Variants in ZNF563 observed in about 807,000 individuals in gnomAD.
The protein encoded by ZNF563 is zinc finger protein 563.
ZNF563 carries 39 observed loss-of-function variants against 48.5 expected under a neutral mutation model. The observed-to-expected ratio is 0.80, with a 90% CI of 0.62 to 1.05. The LOEUF (loss-of-function observed/expected upper bound fraction) is 1.05. ZNF563 is among the 50% of genes least tolerant of loss of function. The probability of loss-of-function intolerance (pLI) is 0.00; values close to 1 mark genes in which losing one functional copy is unlikely to be tolerated. For missense variants in ZNF563, 538 were observed against 597.0 expected (o/e 0.90, Z 1.03); for synonymous variants, 168 against 187.9 (o/e 0.89, Z 0.87).
the ZNF563 span, among the ~76,000 whole-genome samples, chr19:12,343,703 T>A: frequency 6.6e-6 from 1 of 151,684 alleles, no homozygotes; most frequent in African/African-American, 2.4e-5. Context: ...GAATATCTTT[T>A]ATGAATATTG....
the ZNF563 span, among the ~76,000 whole-genome samples, chr19:12,343,771 C>T: frequency 6.9e-6 from 1 of 144,442 alleles, no homozygotes; most frequent in Non-Finnish European, 1.5e-5. Context: ...CGCTCTGTCG[C>T]CCAGGCTGGA....
intron 1 of ZNF563, among the ~76,000 whole-genome samples, chr19:12,326,687 C>T (rs568914875): frequency 4.4e-4 from 67 of 151,672 alleles, no homozygotes; most frequent in African/African-American, 1.6e-3. Context: ...ATTGAATCTA[C>T]CCATTCACAG....
chr19:12,340,452 A>G, the ZNF563 span, among the ~76,000 whole-genome samples: 1 of 152,178 alleles, frequency 6.6e-6, no homozygotes. Context: ...CCTGGGCAAT[A>G]TAGTGAGACC....
chr19:12,332,590 A>G (rs942058142), intron 1 of ZNF563, among the ~76,000 whole-genome samples: 1 of 152,066 alleles, frequency 6.6e-6, no homozygotes, highest in Non-Finnish European at 1.5e-5. Flanking sequence ...TACATGTCTA[A>G]CTTTCTTTAT....
At chr19:12,333,323 T>C (rs1192895198) in intron 1 of ZNF563, among the ~76,000 whole-genome samples, 157 bp downstream of exon 1, 1 of 152,232 alleles carries the variant, frequency 6.6e-6, no homozygotes, top group Non-Finnish European at 1.5e-5. Flanking sequence ...AGCCTCACTC[T>C]GTGGCTGAGG....
Position 12,322,572 on chromosome 19 carries a change from G to A in ZNF563, c.130+13C>T, listed in dbSNP as rs1381497200. ...CTGTAATTGATTAAGTGAAGACATG[G>A]TATCATCCTTACTTATACAGTCCAG... On this transcript the variant is annotated intron_variant, in intron 2 of 3. Transcript: ENST00000293725. The A allele has an allele frequency of 7.6e-6, 12 of 1,583,492 alleles. 1 individual carries two copies. The South Asian group carries it at 1.4e-4, about 18-fold the overall frequency.
At chr19:12,337,175 T>C (rs141384330), upstream of ZNF563, among the ~76,000 whole-genome samples, 27 of 152,230 alleles carry the variant, frequency 1.8e-4, no homozygotes, top group East Asian at 5.2e-3. Flanking sequence ...ATAATATTAA[T>C]GTCACCCCTT....
At chr19:12,343,112 G>T in the ZNF563 span, among the ~76,000 whole-genome samples, 2 of 151,834 alleles carry the variant, frequency 1.3e-5, no homozygotes, top group East Asian at 1.9e-4. Flanking sequence ...CAGGAGAATC[G>T]CTTGAACCGG....
rs952014799 is a variant in ZNF563 at position 12,324,673 on chromosome 19, C to T, written c.4-1962G>A. On this transcript the variant is annotated intron_variant, in intron 1 of 3. Transcript: ENST00000293725. ...CAGAGGTTGCGGTGAGCCGAGATTGCGCTATCGCACTTCAGCCTGGTTGAC... is the reference window on the plus strand; with the variant it reads ...CAGAGGTTGCGGTGAGCCGAGATTGTGCTATCGCACTTCAGCCTGGTTGAC... 2.8e-5 allele frequency among the ~76,000 whole-genome samples: 4 copies of T among 141,332 alleles called. No individual in the cohort carries two copies. The East Asian group carries it at 8.7e-4, about 31-fold the overall frequency. 92.7% of individuals were successfully genotyped at this position (141,332 alleles called of 152,430 possible).
upstream of ZNF563, among the ~76,000 whole-genome samples, chr19:12,334,868 CAAAAAAAA>C (rs35412288): frequency 3.1e-4 from 14 of 45,040 alleles, no homozygotes; most frequent in South Asian, 1.0e-3. Flanking sequence ...GACCTGGTCT[CAAAAAAAA>C]AAAAAAAAAA....
chr19:12,332,674 A>G (rs935642154), intron 1 of ZNF563, among the ~76,000 whole-genome samples: 15 of 152,170 alleles, frequency 9.9e-5, no homozygotes, highest in African/African-American at 3.6e-4. Context: ...CAAACGCCTC[A>G]ATTTATCAAA....
rs764693352 is a variant in ZNF563, at chr19:12,320,020, G to A, written c.192-187C>T. Among the ~76,000 whole-genome samples, 5 of 151,564 alleles carry A rather than the reference G, an allele frequency of 3.3e-5. No homozygotes were observed. In the East Asian group the frequency reaches 7.8e-4, roughly 24 times the overall value. ...CAATCTCTTCCTCCCGGGTTCAAGC[G>A]ATTCTCCTGCCTCAGCCTCCCAAGT... is the stretch of plus-strand genomic sequence containing the variant. On this transcript the variant is annotated intron_variant, in intron 3 of 3. Coordinates refer to ENST00000293725, the MANE Select transcript of ZNF563 (RefSeq NM_145276.3).
chr19:12,319,476 G>T lies in ZNF563; in HGVS notation c.549C>A (p.Asn183Lys), dbSNP rs1197667466. 3.7e-6 allele frequency: 6 copies of T among 1,614,052 alleles called. No individual in the cohort carries two copies. ...CTTGCACTACCATGTGTCTTCGAAG[G>T]TTTCTACGAGAACTGAAGGTTTTTC... The part of the protein sequence containing the change: ...ECGKTFSSRR[N>K]LRRHMVVQGG... Residue 183 changes from asparagine (N) to lysine (K), a missense_variant, in exon 4 of 4, where the codon AAC (asparagine) becomes AAA (lysine). Coordinates refer to ENST00000293725, the MANE Select transcript of ZNF563 (RefSeq NM_145276.3).
chr19:12,319,648 G>A lies in ZNF563; in HGVS notation c.377C>T (p.Ser126Phe), dbSNP rs148651180. Residue 126 changes from serine to phenylalanine, a missense_variant, in exon 4 of 4, where the codon TCT becomes TTT. Transcript: ENST00000293725. Reference sequence around the variant, plus strand: ...CTGATACTCATGTGGTTTGTGTCCAGAATCAACTCTGATGTGGCTATTAAG... The same window carrying A: ...CTGATACTCATGTGGTTTGTGTCCAAAATCAACTCTGATGTGGCTATTAAG... ...LSLNSHIRVD[S>F]GHKPHEYQEY... The A allele has an allele frequency of 3.9e-3, 6,218 of 1,614,168 alleles. 19 individuals are homozygous for A. The highest frequency in any genetic ancestry group is 4.4e-3 in the Non-Finnish European group (5,232 of 1,180,044).
chr19:12,324,848 A>G (rs2145809376), intron 1 of ZNF563: 1 of 152,296 alleles, frequency 6.6e-6, no homozygotes, highest in African/African-American at 2.4e-5. Context: ...ACAAATAGAT[A>G]AATAAAAGTG....
the ZNF563 span, among the ~76,000 whole-genome samples, chr19:12,340,525 G>A: frequency 1.3e-5 from 2 of 152,126 alleles, no homozygotes; most frequent in South Asian, 4.1e-4. Flanking sequence ...TGTAATCCCA[G>A]CACTTTGGGA....
the ZNF563 span, among the ~76,000 whole-genome samples, chr19:12,339,048 G>C: frequency 2.0e-5 from 3 of 152,132 alleles, no homozygotes; most frequent in African/African-American, 7.2e-5. Context: ...CAGTTTGGCA[G>C]TGGGGTCTCT....
In ZNF563 at chr19:12,319,637, G is replaced by C; in HGVS notation, c.388C>G (p.Pro130Ala). The C allele has an allele frequency of 6.2e-7, 1 of 1,614,114 alleles. No homozygotes were observed. Among genetic ancestry groups the C allele is most frequent in the Non-Finnish European group, 8.5e-7 (1 of 1,180,028 alleles). The change falls in exon 4 of 4, where the codon CCA becomes GCA. Residue 130 changes from proline (P) to alanine (A), a missense_variant. Physicochemically the swap from Pro to Ala is conservative, Grantham distance 27 (BLOSUM62 -1). Transcript: ENST00000293725. ...SHIRVDSGHK[P>A]HEYQEYGEKP... The stretch of plus-strand genomic sequence containing the variant: ...TCTCCATATTCCTGATACTCATGTG[G>C]TTTGTGTCCAGAATCAACTCTGATG...
chr19:12,341,248 T>C, the ZNF563 span, among the ~76,000 whole-genome samples: 4 of 152,092 alleles, frequency 2.6e-5, no homozygotes, highest in Admixed American at 1.3e-4. Flanking sequence ...TCTGCGGTTT[T>C]GCCATGTTGC....
Sources: gnomAD v4.1 joint callset for allele counts (sites outside exome capture counted in the v4.1 genomes callset) on GRCh38, gnomAD v4.1.1 for gene constraint, MANE v1.5 for transcripts, NCBI Gene and HGNC (gene_info 2026-07-23, HGNC 2026-07-21) for gene names.